The following CHAF1B variants were observed in gnomAD, a reference collection of about 807,000 sequenced individuals.
CHAF1B encodes chromatin assembly factor 1 subunit B, also known as CAF-1 subunit B.
Under a neutral mutation model 60.7 loss-of-function variants are expected in CHAF1B, and 10 were observed. That is an observed-to-expected ratio of 0.16 (90% CI 0.10 to 0.28). The LOEUF (loss-of-function observed/expected upper bound fraction) is 0.28. Among genes scored for constraint, CHAF1B ranks in the 10% least tolerant of loss-of-function variants. The pLI is 1.00. For synonymous variants in CHAF1B, 261 were observed against 266.1 expected (o/e 0.98, Z 0.19); for missense variants, 558 against 708.4 (o/e 0.79, Z 2.41).
At chr21:36,385,862 G>T (rs551118475) in intron 1 of CHAF1B, among the ~76,000 whole-genome samples, 198 bp from the exon 2 acceptor site, 3 of 152,194 alleles carry the variant, frequency 2.0e-5, no homozygotes, top group African/African-American at 7.2e-5. Flanking sequence ...TGCTTTTCTG[G>T]ATGTAGCGGC....
intron 10 of CHAF1B, 121 bp downstream of exon 10, chr21:36,409,586 G>C: frequency 2.0e-6 from 1 of 510,252 alleles, no homozygotes; most frequent in Non-Finnish European, 3.5e-6. Flanking sequence ...GTTCAGTTCA[G>C]TTATTTTAAA....
At chr21:36,389,807 G>GCA (rs1555911850) in intron 3 of CHAF1B, among the ~76,000 whole-genome samples, 3 of 150,792 alleles carry the variant, frequency 2.0e-5, no homozygotes, top group East Asian at 3.9e-4. Context: ...GTGTGCGCGC[G>GCA]CACGCTGATT....
intron 8 of CHAF1B, among the ~76,000 whole-genome samples, chr21:36,408,432 C>T (rs538290324): frequency 3.3e-5 from 5 of 152,288 alleles, no homozygotes; most frequent in South Asian, 2.1e-4. Flanking sequence ...AATCTAGTCA[C>T]GGTGCTTCAA....
chr21:36,413,835 G>A (rs994163773), intron 12 of CHAF1B, among the ~76,000 whole-genome samples: 3 of 152,152 alleles, frequency 2.0e-5, no homozygotes, highest in Non-Finnish European at 4.4e-5. Context: ...CAGGTGCTTT[G>A]ATGCTCCAGT....
In CHAF1B at chr21:36,401,174, C is replaced by T. The variant is rs373770332; in HGVS notation, c.663+1569C>T. Among the ~76,000 whole-genome samples, 11 of 151,330 alleles carry T rather than the reference C, an allele frequency of 7.3e-5. No homozygotes were observed. In the East Asian group the frequency reaches 1.7e-3, roughly 24 times the overall value. On this transcript the variant is annotated intron_variant, in intron 7 of 13. Transcript: ENST00000314103. ...CCCAGCTACTCCGGTGGCTGAGGCACGAGGATCACTGGAACCTGGGAGGTG... is the reference window on the plus strand; with the variant it reads ...CCCAGCTACTCCGGTGGCTGAGGCATGAGGATCACTGGAACCTGGGAGGTG...
At chr21:36,393,978 C>A (rs933211079) in intron 4 of CHAF1B, among the ~76,000 whole-genome samples, 20 of 152,066 alleles carry the variant, frequency 1.3e-4, no homozygotes, top group African/African-American at 3.9e-4. Context: ...TGGCTCACTG[C>A]AATCTCTGCC....
intron 4 of CHAF1B, among the ~76,000 whole-genome samples, chr21:36,392,893 C>G (rs2086103231): frequency 6.6e-6 from 1 of 152,130 alleles, no homozygotes; most frequent in South Asian, 2.1e-4. Context: ...CGAGCGGAGA[C>G]CACGCCAGTG....
At chr21:36,409,508 AAC>A in intron 10 of CHAF1B, 43 bp downstream of exon 10, 1 of 1,458,580 alleles carries the variant, frequency 6.9e-7, no homozygotes, top group Non-Finnish European at 9.6e-7. Context: ...TTCTCTCCGA[AAC>A]AGGTCACCAG....
chr21:36,415,489 G>A, intron 13 of CHAF1B, 100 bp downstream of exon 13: 1 of 844,098 alleles, frequency 1.2e-6, no homozygotes, highest in Non-Finnish European at 2.0e-6. Flanking sequence ...TCAGTTCTGA[G>A]ACAGCAGGGA....
chr21:36,387,822 T>C, intron 3 of CHAF1B, 92 bp downstream of exon 3: 2 of 729,600 alleles, frequency 2.7e-6, no homozygotes, highest in South Asian at 6.6e-5. Flanking sequence ...TGGATATGCT[T>C]TTTTTTTTTT....
chr21:36,406,977 GGACA>G (rs2086242416), intron 8 of CHAF1B, among the ~76,000 whole-genome samples: 1 of 152,092 alleles, frequency 6.6e-6, no homozygotes, highest in Admixed American at 6.6e-5. Context: ...AAATATAGGA[GGACA>G]TTCTAGGAAT....
rs768673012 is a variant in CHAF1B at position 36,413,341 on chromosome 21, C to T, written c.1493+26C>T. 7 of 1,525,542 alleles carry T rather than the reference C, an allele frequency of 4.6e-6. No individual in the cohort carries two copies. The African/African-American group carries it at 6.9e-5, about 15-fold the overall frequency. 94.5% of individuals were successfully genotyped at this position (1,525,542 alleles called of 1,614,324 possible). On this transcript the variant is annotated intron_variant, in intron 12 of 13. Transcript: ENST00000314103. ...GTAAGAACTTGTTGGAACAAGATGT[C>T]ATTGCAAAATGAAACACAAAATGCA...
chr21:36,392,607 C>T (rs2086099985), intron 4 of CHAF1B, among the ~76,000 whole-genome samples: 1 of 151,360 alleles, frequency 6.6e-6, no homozygotes, highest in African/African-American at 2.4e-5. Flanking sequence ...CCTCTCTTCC[C>T]AGACGGGGCG....
At chr21:36,400,626 T>C (rs1028847208) in intron 7 of CHAF1B, among the ~76,000 whole-genome samples, 12 of 152,184 alleles carry the variant, frequency 7.9e-5, no homozygotes, top group Non-Finnish European at 1.8e-4. Flanking sequence ...GGAAGATCCC[T>C]ACACGAGGCA....
At chr21:36,409,596 A>G in intron 10 of CHAF1B, 131 bp downstream of exon 10, 1 of 463,576 alleles carries the variant, frequency 2.2e-6, no homozygotes, top group East Asian at 3.4e-5. Context: ...GTTATTTTAA[A>G]AATATTTTAT....
At chr21:36,404,094 T>TC (rs1446662526) in intron 8 of CHAF1B, among the ~76,000 whole-genome samples, 4 of 148,460 alleles carry the variant, frequency 2.7e-5, no homozygotes, top group Non-Finnish European at 5.9e-5. Flanking sequence ...CAGTAATAAA[T>TC]CCTTTTTTTT....
intron 10 of CHAF1B, 97 bp downstream of exon 10, chr21:36,409,562 GGT>G (rs2086261738): frequency 4.2e-6 from 3 of 717,608 alleles, no homozygotes; most frequent in Non-Finnish European, 4.7e-6. Context: ...GGGAAAGGTG[GGT>G]ATCTGGGTTT....
chr21:36,400,348 G>A (rs79188563), intron 7 of CHAF1B, among the ~76,000 whole-genome samples: 15,169 of 151,962 alleles, frequency 0.1, 855 homozygotes, highest in African/African-American at 0.13. Context: ...GTGCATGCAT[G>A]TGATCCCAGC....
chr21:36,396,106 TCTC>T (rs1303214541), intron 5 of CHAF1B, among the ~76,000 whole-genome samples: 1 of 151,106 alleles, frequency 6.6e-6, no homozygotes, highest in Non-Finnish European at 1.5e-5. Context: ...GTTCAACAAT[TCTC>T]CTGCCTCAGC....
Sources: gnomAD v4.1 joint callset for allele counts (sites outside exome capture counted in the v4.1 genomes callset) on GRCh38, gnomAD v4.1.1 for gene constraint, MANE v1.5 for transcripts, NCBI Gene and HGNC (gene_info 2026-07-23, HGNC 2026-07-21) for gene names.